Variants in RPTOR observed in about 807,000 individuals in gnomAD.
RPTOR encodes regulatory-associated protein of mTOR.
In RPTOR, 21 loss-of-function variants were observed where a neutral mutation model predicts 169.9. That is an observed-to-expected ratio of 0.12 (90% CI 0.09 to 0.18). RPTOR has a LOEUF of 0.18. Ranked by LOEUF, RPTOR falls within the 10% of genes least tolerant of loss-of-function variation. The probability of loss-of-function intolerance (pLI) is 1.00; values close to 1 mark genes in which losing one functional copy is unlikely to be tolerated. For synonymous variants in RPTOR, 732 were observed against 753.2 expected, an observed-to-expected ratio of 0.97 and a Z score of 0.46; for missense variants, 1,133 against 1,855.9, an observed-to-expected ratio of 0.61 and a Z score of 7.16.
rs1446313097 is a variant in RPTOR, at chr17:80,721,493, A to G, written c.508-9067A>G. ...GCTGCGTGTGCATCTGGCCCTGGAA[A>G]GAGGCACACCCAGCAGCGGGCTCTC... On this transcript the variant is annotated intron_variant, in intron 4 of 33. Coordinates refer to ENST00000306801, the MANE Select transcript of RPTOR (RefSeq NM_020761.3). This position sits in a 1 kb window ranked among gnomAD's most constrained non-coding sequence, Gnocchi z 4.7. Among the ~76,000 whole-genome samples the G allele has an allele frequency of 6.6e-6, 1 of 151,392 alleles. No individual in the cohort carries two copies. Among genetic ancestry groups the G allele is most frequent in the Non-Finnish European group, 1.5e-5 (1 of 68,024 alleles).
intron 6 of RPTOR, among the ~76,000 whole-genome samples, chr17:80,763,548 GAT>G (rs1310181980): frequency 6.6e-6 from 1 of 152,226 alleles, no homozygotes; most frequent in Admixed American, 6.5e-5. Flanking sequence ...AGTGTGCTTA[GAT>G]ACAGAGACAC....
intron 7 of RPTOR, among the ~76,000 whole-genome samples, chr17:80,806,623 T>C (rs952713258): frequency 1.3e-5 from 2 of 152,198 alleles, no homozygotes; most frequent in Non-Finnish European, 2.9e-5. Flanking sequence ...ACTGACCACC[T>C]TAATTGCCTA....
chr17:80,960,904 C>G lies in RPTOR; in HGVS notation c.3606-490C>G, dbSNP rs548152079. 6.0e-6 allele frequency: 1 copy of G among 167,544 alleles called. No homozygotes were observed. Among genetic ancestry groups the G allele is most frequent in the Admixed American group, 5.6e-5 (1 of 17,870 alleles). The allele number at this position is 167,544 out of a possible 1,614,324, so 10.4% of individuals were successfully genotyped here. A position where few individuals can be genotyped will look rare whatever the true frequency, so the allele number is the denominator to read the frequency against. ...TCCGTCTTGGCCCACACGGCTCATG[C>G]AGCAGAAGTAAATTTCACCCAGCAC... On this transcript the variant is annotated intron_variant, in intron 30 of 33. Transcript: ENST00000306801. This position sits in a 1 kb window ranked among gnomAD's most constrained non-coding sequence, Gnocchi z 4.8.
At chr17:80,896,948 G>T (rs1354857184) in intron 20 of RPTOR, among the ~76,000 whole-genome samples, 2 of 152,168 alleles carry the variant, frequency 1.3e-5, no homozygotes, top group African/African-American at 4.8e-5. Context: ...TTTAAAACCT[G>T]TTGCTGGCAA....
At chr17:80,911,071 TC>T (rs568623818) in intron 21 of RPTOR, among the ~76,000 whole-genome samples, 2 of 152,340 alleles carry the variant, frequency 1.3e-5, no homozygotes, top group South Asian at 2.1e-4. Context: ...GACCTCGTGA[TC>T]CGCCTGCCTC....
chr17:80,765,793 C>A (rs74001013), intron 6 of RPTOR, among the ~76,000 whole-genome samples: 1 of 152,060 alleles, frequency 6.6e-6, no homozygotes, highest in Non-Finnish European at 1.5e-5. Context: ...TAGTCTGTCA[C>A]GTCTAAATAG....
chr17:80,553,888 C>A (rs2080659177), intron 1 of RPTOR, among the ~76,000 whole-genome samples: 1 of 151,194 alleles, frequency 6.6e-6, no homozygotes, highest in Non-Finnish European at 1.5e-5. Context: ...ATTACATGTG[C>A]CTGCTACCAC....
chr17:80,681,277 A>G (rs1027984288), intron 3 of RPTOR, among the ~76,000 whole-genome samples: 2 of 152,174 alleles, frequency 1.3e-5, no homozygotes, highest in African/African-American at 4.8e-5. Context: ...TTTTAGAGTC[A>G]CCTGAAACTA....
Position 80,646,090 on chromosome 17 carries a change from A to G in RPTOR, c.348+2280A>G, listed in dbSNP as rs1212210555. ...GCTGGTTTATAAAGTGGAATCTGGA[A>G]TAAAGTATCCGCTGCAGCCTAGAAG... On this transcript the variant is annotated intron_variant, in intron 3 of 33. Coordinates refer to ENST00000306801, the MANE Select transcript of RPTOR (RefSeq NM_020761.3). The surrounding 1 kb of genome is among the most constrained non-coding windows in gnomAD (Gnocchi z 5.0). Among the ~76,000 whole-genome samples the G allele has an allele frequency of 6.6e-6, 1 of 152,216 alleles. No homozygotes were observed. The highest frequency in any genetic ancestry group is 2.1e-4 in the South Asian group (1 of 4,828).
intron 1 of RPTOR, among the ~76,000 whole-genome samples, chr17:80,600,363 C>A (rs2065176525): frequency 1.3e-5 from 2 of 152,158 alleles, no homozygotes; most frequent in African/African-American, 2.4e-5. Context: ...GTCTTTGGGC[C>A]CCCAGACTTC....
Position 80,633,283 on chromosome 17 carries a change from C to G in RPTOR, c.265+7490C>G, listed in dbSNP as rs2065455943. Among the ~76,000 whole-genome samples the G allele has an allele frequency of 2.0e-5, 3 of 152,330 alleles. No homozygotes were observed. The South Asian group carries it at 6.2e-4, about 32-fold the overall frequency. On this transcript the variant is annotated intron_variant, in intron 2 of 33. Transcript: ENST00000306801. This position sits in a 1 kb window ranked among gnomAD's most constrained non-coding sequence, Gnocchi z 4.1. ...CAACGCAGTCACCAAAATCAAGGAG[C>G]ATTCGCGTGGACGTGTGACTGCCAC...
intron 6 of RPTOR, among the ~76,000 whole-genome samples, chr17:80,787,981 T>A (rs1175926101): frequency 6.6e-6 from 1 of 152,200 alleles, no homozygotes; most frequent in Non-Finnish European, 1.5e-5. Context: ...ACTTCATAGA[T>A]CCCCTTCAGC....
chr17:80,850,645 TA>T (rs1290781333), intron 11 of RPTOR, among the ~76,000 whole-genome samples: 1 of 152,230 alleles, frequency 6.6e-6, no homozygotes, highest in African/African-American at 2.4e-5. Context: ...AGCATTTCAT[TA>T]GGAGGTCTAT....
At chr17:80,925,537 C>A in intron 24 of RPTOR, 57 bp downstream of exon 24, 1 of 1,364,936 alleles carries the variant, frequency 7.3e-7, no homozygotes, top group Non-Finnish European at 1.0e-6. Flanking sequence ...GTCTGTCCCA[C>A]TTCTTTGAGC....
rs143086849 is a variant in RPTOR, at chr17:80,956,896, C to T, written c.3371-728C>T. Reference sequence around the variant, plus strand: ...GGAAGGCTCTGCTCCGAACAGTGGGCACCTTAGACAGACGTTCCTGGAAGG... The same window carrying T: ...GGAAGGCTCTGCTCCGAACAGTGGGTACCTTAGACAGACGTTCCTGGAAGG... On this transcript the variant is annotated intron_variant, in intron 28 of 33. Transcript: ENST00000306801. Among the ~76,000 whole-genome samples the T allele has an allele frequency of 2.0e-5, 3 of 152,094 alleles. No individual in the cohort carries two copies. In the East Asian group the frequency reaches 5.8e-4, roughly 29 times the overall value.
At chr17:80,887,713 G>A (rs117137840) in intron 17 of RPTOR, among the ~76,000 whole-genome samples, 2 of 152,126 alleles carry the variant, frequency 1.3e-5, no homozygotes, top group Non-Finnish European at 2.9e-5. Flanking sequence ...ACGTGTACTG[G>A]TTACCAAAAA....
At chr17:80,639,969 G>A (rs532888472) in intron 2 of RPTOR, among the ~76,000 whole-genome samples, 14 of 152,230 alleles carry the variant, frequency 9.2e-5, no homozygotes, top group Non-Finnish European at 1.9e-4. Context: ...ACTTCAGCTT[G>A]CCCTTCTGTC....
intron 3 of RPTOR, among the ~76,000 whole-genome samples, chr17:80,673,251 G>A (rs370928786): frequency 1.7e-4 from 26 of 152,248 alleles, no homozygotes; most frequent in East Asian, 1.4e-3. Flanking sequence ...GGAAAAATAC[G>A]TTTCCTGTAA....
At chr17:80,644,307 GTTTTTTT>G (rs3046923) in intron 3 of RPTOR, among the ~76,000 whole-genome samples, 69 of 109,164 alleles carry the variant, frequency 6.3e-4, no homozygotes, top group Admixed American at 1.4e-3. Flanking sequence ...TAGTGTGTGG[GTTTTTTT>G]TTTTTTTTTT....
Sources: allele counts gnomAD v4.1 joint callset (sites outside exome capture counted in the v4.1 genomes callset), GRCh38; gene constraint gnomAD v4.1.1; non-coding constraint Gnocchi (gnomAD v3.1); transcripts MANE v1.5; gene names NCBI Gene and HGNC (gene_info 2026-07-23, HGNC 2026-07-21).